CRMP1: variants seen among roughly 807,000 people sequenced by gnomAD.
The protein encoded by CRMP1 is collapsin response mediator protein 1.
Under a neutral mutation model 68.3 loss-of-function variants are expected in CRMP1, and 19 were observed. The ratio of observed to expected loss-of-function variants is 0.28; its 90% confidence interval spans 0.19 to 0.41. CRMP1 has a LOEUF of 0.41. Among genes scored for constraint, CRMP1 ranks in the 10% least tolerant of loss-of-function variants. The pLI is 1.00. For synonymous variants in CRMP1, 439 were observed against 399.6 expected (o/e 1.10, Z -1.18); for missense variants, 791 against 967.4 (o/e 0.82, Z 2.42).
intron 1 of CRMP1, among the ~76,000 whole-genome samples, chr4:5,868,302 T>TAC (rs1553907530): frequency 4.7e-5 from 6 of 126,876 alleles, no homozygotes; most frequent in African/African-American, 1.5e-4. Flanking sequence ...TATATATATA[T>TAC]ACATAATTTT....
chr4:5,823,265 A>T (rs1325539977), intron 13 of CRMP1, among the ~76,000 whole-genome samples: 1 of 152,202 alleles, frequency 6.6e-6, no homozygotes, highest in African/African-American at 2.4e-5. Flanking sequence ...GCCACTAAGA[A>T]TTTGGTTCAC....
rs1720639231 is a variant in CRMP1 at position 5,834,994 on chromosome 4, C to A, written c.1623+921G>T. ...GAGCTGCTACAAGTGTTTCCTGTGGCTTTCTTATGAAACTTCCTTGTGCCT... is the reference window on the plus strand; with the variant it reads ...GAGCTGCTACAAGTGTTTCCTGTGGATTTCTTATGAAACTTCCTTGTGCCT... On this transcript the variant is annotated intron_variant, in intron 11 of 13. Transcript: ENST00000324989. This position sits in a 1 kb window ranked among gnomAD's most constrained non-coding sequence, Gnocchi z 4.3. Among the ~76,000 whole-genome samples the A allele has an allele frequency of 6.6e-6, 1 of 152,120 alleles. No individual in the cohort carries two copies. The highest frequency in any genetic ancestry group is 3.4e-3 in the Middle Eastern group (1 of 294).
chr4:5,880,320 G>A (rs1487162676), intron 1 of CRMP1, among the ~76,000 whole-genome samples: 2 of 152,162 alleles, frequency 1.3e-5, no homozygotes, highest in African/African-American at 2.4e-5. Context: ...CAACGTTGAG[G>A]TTATAGAAAT....
rs914735435 is a variant in CRMP1, at chr4:5,890,695, T to C, written c.381+1894A>G. Among the ~76,000 whole-genome samples the C allele has an allele frequency of 6.7e-6, 1 of 149,962 alleles. No individual in the cohort carries two copies. Among genetic ancestry groups the C allele is most frequent in the Non-Finnish European group, 1.5e-5 (1 of 67,448 alleles). On this transcript the variant is annotated intron_variant, in intron 1 of 13. Transcript: ENST00000324989. This position sits in a 1 kb window ranked among gnomAD's most constrained non-coding sequence, Gnocchi z 5.5. ...GGACCACAGGGAGAAGAGGAAGGAG[T>C]AGGGGAGAGGAACGGGAGAGGTGAA...
intron 1 of CRMP1, among the ~76,000 whole-genome samples, chr4:5,886,982 G>A (rs1007059055): frequency 6.6e-6 from 1 of 152,212 alleles, no homozygotes; most frequent in Non-Finnish European, 1.5e-5. Context: ...GGCCCAGGAG[G>A]AATTTTCTAA....
chr4:5,845,922 C>T (rs992845955), intron 6 of CRMP1, among the ~76,000 whole-genome samples: 1 of 152,174 alleles, frequency 6.6e-6, no homozygotes, highest in Non-Finnish European at 1.5e-5. Context: ...TGTGAGTCTA[C>T]AGCCCCTTGT....
rs1292697861 is a variant in CRMP1 at position 5,821,650 on chromosome 4, C to T, written c.*110G>A. The T allele has an allele frequency of 8.9e-6, 9 of 1,010,256 alleles. No homozygotes were observed. The East Asian group carries it at 2.1e-4, about 24-fold the overall frequency. The allele number at this position is 1,010,256 out of a possible 1,614,324, so 62.6% of individuals were successfully genotyped here. On this transcript the variant is annotated 3_prime_UTR_variant, in exon 14 of 14. Coordinates refer to ENST00000324989, the MANE Select transcript of CRMP1 (RefSeq NM_001014809.3). The surrounding 1 kb of genome is among the most constrained non-coding windows in gnomAD (Gnocchi z 4.4). The stretch of plus-strand genomic sequence containing the variant: ...GGGAAAGAGCATCCTTCGACTTCCC[C>T]CTCCCTCCATCAGCACCAACTAAAA...
In CRMP1 at chr4:5,854,137, G is replaced by T. The variant is rs73063626; in HGVS notation, c.820+2006C>A. 1.0e-3 allele frequency among the ~76,000 whole-genome samples: 155 copies of T among 152,294 alleles called. No individual in the cohort carries two copies. The highest frequency in any genetic ancestry group is 3.5e-3 in the African/African-American group (146 of 41,578). On this transcript the variant is annotated intron_variant, in intron 4 of 13. Coordinates refer to ENST00000324989, the MANE Select transcript of CRMP1 (RefSeq NM_001014809.3). This position sits in a 1 kb window ranked among gnomAD's most constrained non-coding sequence, Gnocchi z 4.0. ...TTAAGGCGGCAACCTGGGGAAAATT[G>T]CTCAGAACTTAACATTAGGTAAGGA...
At position 5,841,045 on chromosome 4, in the gene CRMP1, T is replaced by C. The variant is rs116069412; in HGVS notation, c.1153+263A>G. 1.1e-4 allele frequency among the ~76,000 whole-genome samples: 16 copies of C among 152,342 alleles called. No individual in the cohort carries two copies. Among genetic ancestry groups the C allele is most frequent in the African/African-American group, 3.8e-4 (16 of 41,584 alleles). On this transcript the variant is annotated intron_variant, in intron 8 of 13. Coordinates refer to ENST00000324989, the MANE Select transcript of CRMP1 (RefSeq NM_001014809.3). The surrounding 1 kb of genome is among the most constrained non-coding windows in gnomAD (Gnocchi z 6.9). ...AATGATTTTTACATTGATGACATGCTGAATTAATATGTGGATCCATTAGAT... is the reference window on the plus strand; with the variant it reads ...AATGATTTTTACATTGATGACATGCCGAATTAATATGTGGATCCATTAGAT...
intron 6 of CRMP1, among the ~76,000 whole-genome samples, chr4:5,845,753 T>C (rs1712143533): frequency 6.6e-6 from 1 of 152,184 alleles, no homozygotes; most frequent in African/African-American, 2.4e-5. Flanking sequence ...GATATCTAAA[T>C]GTGTGGAAGA....
chr4:5,882,828 C>A (rs1715300015), intron 1 of CRMP1, among the ~76,000 whole-genome samples: 2 of 152,180 alleles, frequency 1.3e-5, no homozygotes, highest in South Asian at 4.1e-4. Context: ...ACTGAATTAT[C>A]TAATCCAACT....
chr4:5,874,471 A>G (rs113166823), intron 1 of CRMP1, among the ~76,000 whole-genome samples: 7 of 152,098 alleles, frequency 4.6e-5, no homozygotes, highest in African/African-American at 9.7e-5. Flanking sequence ...CCTTCCCCCA[A>G]TGGTCACAGT....
In CRMP1 at chr4:5,863,927, C is replaced by T. The variant is rs182485521; in HGVS notation, c.471-2717G>A. 8.0e-4 allele frequency among the ~76,000 whole-genome samples: 122 copies of T among 152,302 alleles called. 1 individual carries two copies. Among genetic ancestry groups the T allele is most frequent in the African/African-American group, 2.5e-3 (104 of 41,568 alleles). On this transcript the variant is annotated intron_variant, in intron 2 of 13. Transcript: ENST00000324989. ...AAGGGCCCTGTGAGGCCTCAGTCAC[C>T]GTCACTCACTCAGCTTCACAAGTCC...
rs561037714 is a variant in CRMP1 at position 5,880,977 on chromosome 4, G to A, written c.381+11612C>T. ...GTCTTCCAAGTATCCATGGTCAAGC[G>A]GAGCAGATGGACATGAGCAACAAGC... is the stretch of plus-strand genomic sequence containing the variant. On this transcript the variant is annotated intron_variant, in intron 1 of 13. Transcript: ENST00000324989. Among the ~76,000 whole-genome samples, 19 of 152,284 alleles carry A rather than the reference G, an allele frequency of 1.2e-4. 1 individual carries two copies. The highest frequency in any genetic ancestry group is 3.4e-3 in the Middle Eastern group (1 of 294).
At position 5,845,337 on chromosome 4, in the gene CRMP1, T is replaced by G. The variant is rs116031108; in HGVS notation, c.964-2176A>C. 7.5e-3 allele frequency among the ~76,000 whole-genome samples: 1,148 copies of G among 152,368 alleles called. 12 individuals carry two copies. The highest frequency in any genetic ancestry group is 0.038 in the South Asian group (181 of 4,826). On this transcript the variant is annotated intron_variant, in intron 6 of 13. Coordinates refer to ENST00000324989, the MANE Select transcript of CRMP1 (RefSeq NM_001014809.3). ...GTTACAGAGACTCTGGCTTCCGACC[T>G]GCTCACCTACTGCTTTTTGGTTAAT...
intron 11 of CRMP1, among the ~76,000 whole-genome samples, chr4:5,830,287 C>T (rs1447484527): frequency 6.6e-6 from 1 of 152,150 alleles, no homozygotes; most frequent in African/African-American, 2.4e-5. Context: ...CCTCCCTGGT[C>T]CTCTGTCTCT....
intron 6 of CRMP1, among the ~76,000 whole-genome samples, chr4:5,846,757 ATTTTTTTTTT>A (rs71171490): frequency 0.011 from 595 of 53,698 alleles, 11 homozygotes; most frequent in African/African-American, 0.057. Context: ...TGCCCGGCTA[ATTTTTTTTTT>A]TTTTTTTTTT....
At chr4:5,887,485 C>T in intron 1 of CRMP1, 1 of 985,528 alleles carries the variant, frequency 1.0e-6, no homozygotes, top group South Asian at 4.7e-5. Context: ...ACCGCTGCGC[C>T]CTCAGCTCCC....
In CRMP1 at chr4:5,856,249, G is replaced by C. The variant is rs139688791; in HGVS notation, c.714C>G (p.His238Gln). ...SSLLTSFEKW[H>Q]EAADTKSCCD... ...AGCAGGATTTGGTGTCAGCTGCTTC[G>C]TGCCACTTCTCGAAAGAGGTCAGTA... is the stretch of plus-strand genomic sequence containing the variant. The change falls in exon 4 of 14, where the codon CAC becomes CAG. Residue 238 changes from histidine (H) to glutamine (Q), a missense_variant. Physicochemically the swap from His to Gln is conservative, Grantham distance 24. Coordinates refer to ENST00000324989, the MANE Select transcript of CRMP1 (RefSeq NM_001014809.3). 4 of 1,613,870 alleles carry C rather than the reference G, an allele frequency of 2.5e-6. No homozygotes were observed. Among genetic ancestry groups the C allele is most frequent in the East Asian group, 2.2e-5 (1 of 44,882 alleles).
Sources: gnomAD v4.1 joint callset for allele counts (sites outside exome capture counted in the v4.1 genomes callset) on GRCh38, gnomAD v4.1.1 for gene constraint, Gnocchi (gnomAD v3.1) non-coding constraint, MANE v1.5 for transcripts, NCBI Gene and HGNC (gene_info 2026-07-23, HGNC 2026-07-21) for gene names.